The following FSHR variants were observed in gnomAD, a reference collection of about 807,000 sequenced individuals.
FSHR encodes follicle stimulating hormone receptor, also known as follicle-stimulating hormone receptor.
In FSHR, 46 loss-of-function variants were observed where a neutral mutation model predicts 52.1. That is an observed-to-expected ratio of 0.88 (90% CI 0.70 to 1.13). The LOEUF (loss-of-function observed/expected upper bound fraction) is 1.13, where lower values mean the gene tolerates loss of function less well. FSHR is among the 50% of genes most tolerant of loss of function. The pLI, the probability that FSHR is intolerant of heterozygous loss-of-function variation, is 0.00. For missense variants in FSHR, 964 were observed against 834.6 expected (o/e 1.16, Z -1.91); for synonymous variants, 399 against 309.6 (o/e 1.29, Z -3.03).
chr2:49,090,619 A>T (rs965312037), intron 1 of FSHR, among the ~76,000 whole-genome samples: 15 of 152,316 alleles, frequency 9.8e-5, no homozygotes, highest in African/African-American at 3.4e-4. Flanking sequence ...TTCATTTTTC[A>T]TGATAAATAT....
chr2:48,968,579 G>C (rs751028941), intron 9 of FSHR, 119 bp downstream of exon 9: 350 of 1,196,188 alleles, frequency 2.9e-4, no homozygotes, highest in Non-Finnish European at 3.5e-4. Context: ...ATGTGCCAAA[G>C]GGCTTGAGAC....
intron 1 of FSHR, among the ~76,000 whole-genome samples, chr2:49,112,228 G>T (rs1225765540): frequency 6.6e-6 from 1 of 152,100 alleles, no homozygotes; most frequent in African/African-American, 2.4e-5. Flanking sequence ...GTGCTTCAGG[G>T]TAATGTATAT....
At chr2:49,003,575 A>G (rs1177899758) in intron 4 of FSHR, among the ~76,000 whole-genome samples, 3 of 152,144 alleles carry the variant, frequency 2.0e-5, no homozygotes, top group Non-Finnish European at 4.4e-5. Context: ...TCGCCTAAGA[A>G]TACACGTTAT....
chr2:48,970,077 C>G (rs1295729817), intron 8 of FSHR, among the ~76,000 whole-genome samples: 1 of 152,184 alleles, frequency 6.6e-6, no homozygotes, highest in Non-Finnish European at 1.5e-5. Flanking sequence ...AAGCAGTAGG[C>G]ACTCAGAGTA....
At chr2:49,096,537 T>G (rs565922639) in intron 1 of FSHR, among the ~76,000 whole-genome samples, 1 of 152,326 alleles carries the variant, frequency 6.6e-6, no homozygotes, top group African/African-American at 2.4e-5. Flanking sequence ...ATAATAGAGA[T>G]GGTTGCAAAA....
chr2:49,004,135 C>T (rs1667000869), intron 4 of FSHR, among the ~76,000 whole-genome samples: 1 of 152,182 alleles, frequency 6.6e-6, no homozygotes, highest in African/African-American at 2.4e-5. Flanking sequence ...TTTCTCCTTC[C>T]CAGGCCAGCT....
chr2:48,982,579 A>G (rs893790715), intron 8 of FSHR, among the ~76,000 whole-genome samples: 11 of 152,182 alleles, frequency 7.2e-5, no homozygotes, highest in African/African-American at 2.7e-4. Context: ...TCTCCAGGGA[A>G]GCCAGTTTTT....
intron 2 of FSHR, among the ~76,000 whole-genome samples, chr2:49,033,420 C>A (rs1483356091): frequency 6.6e-6 from 1 of 152,132 alleles, no homozygotes; most frequent in Non-Finnish European, 1.5e-5. Flanking sequence ...TTTCTTCTAG[C>A]ACCTAAATGC....
In FSHR at chr2:48,968,680, C is replaced by G. The variant is rs576971716; in HGVS notation, c.854+18G>C. 32 of 1,613,752 alleles carry G rather than the reference C, an allele frequency of 2.0e-5. 1 individual carries two copies. The South Asian group carries it at 3.3e-4, about 17-fold the overall frequency. On this transcript the variant is annotated intron_variant, in intron 9 of 9. Transcript: ENST00000406846. Reference sequence around the variant, plus strand: ...ACATTGGGGAAATGCCTGAGCAGGGCTTAAAGGATGGACTCACATTTGCCG... The same window carrying G: ...ACATTGGGGAAATGCCTGAGCAGGGGTTAAAGGATGGACTCACATTTGCCG...
chr2:48,968,016 G>T (rs1468627449), intron 9 of FSHR, among the ~76,000 whole-genome samples: 1 of 152,188 alleles, frequency 6.6e-6, no homozygotes, highest in Non-Finnish European at 1.5e-5. Flanking sequence ...TCTGGAACAT[G>T]TGTACAATCT....
At chr2:49,088,188 G>A (rs1338138397) in intron 1 of FSHR, among the ~76,000 whole-genome samples, 1 of 152,204 alleles carries the variant, frequency 6.6e-6, no homozygotes, top group Non-Finnish European at 1.5e-5. Flanking sequence ...GCGTGTGTAT[G>A]TGGTGCAGAG....
intron 1 of FSHR, among the ~76,000 whole-genome samples, chr2:49,121,188 G>A (rs1014812334): frequency 2.6e-5 from 4 of 152,210 alleles, no homozygotes; most frequent in Non-Finnish European, 5.9e-5. Flanking sequence ...AGACACTGCT[G>A]AGTGATTTCC....
In FSHR at chr2:49,038,332, T is replaced by C. The variant is rs571233027; in HGVS notation, c.225-18172A>G. On this transcript the variant is annotated intron_variant, in intron 2 of 9. Transcript: ENST00000406846. ...ATACTTACACAGTTAAAAATAATAC[T>C]AGTTTTTGGCTGTGCGCAGTGGCTC... 1.1e-4 allele frequency among the ~76,000 whole-genome samples: 16 copies of C among 152,236 alleles called. No individual in the cohort carries two copies. In the South Asian group the frequency reaches 3.1e-3, roughly 30 times the overall value.
chr2:49,059,456 G>C (rs1669202172), intron 2 of FSHR: 1 of 151,874 alleles, frequency 6.6e-6, no homozygotes, highest in Non-Finnish European at 1.5e-5. Context: ...ACAGAATAGA[G>C]AATCCGTAAA....
chr2:48,963,046 G>T lies in FSHR; in HGVS notation c.1775C>A (p.Ala592Asp). 6.2e-7 allele frequency: 1 copy of T among 1,614,038 alleles called. No individual in the cohort carries two copies. The highest frequency in any genetic ancestry group is 8.5e-7 in the Non-Finnish European group (1 of 1,179,966). The change falls in exon 10 of 10, where the codon GCC (alanine) becomes GAC (aspartate). Residue 592 changes from alanine to aspartate, a missense_variant. Ala to Asp is a moderately radical substitution (Grantham distance 126, BLOSUM62 -2). Coordinates refer to ENST00000406846, the MANE Select transcript of FSHR (RefSeq NM_000145.4). ...FLCMAPISFF[A>D]ISASLKVPLI... ...GGGCACCTTGAGGGAGGCAGAAATGGCAAAGAAAGAAATGGGTGCCATGCA... is the reference window on the plus strand; with the variant it reads ...GGGCACCTTGAGGGAGGCAGAAATGTCAAAGAAAGAAATGGGTGCCATGCA...
chr2:49,099,422 A>C (rs1364760109), intron 1 of FSHR, among the ~76,000 whole-genome samples: 2 of 152,118 alleles, frequency 1.3e-5, no homozygotes, highest in African/African-American at 4.8e-5. Flanking sequence ...CTGTAAGTCC[A>C]TTAAACCTCT....
intron 2 of FSHR, among the ~76,000 whole-genome samples, chr2:49,067,073 A>T (rs541958204): frequency 6.6e-6 from 1 of 152,228 alleles, no homozygotes; most frequent in Admixed American, 6.6e-5. Context: ...CTCCTGCAAC[A>T]TGGAGATAGA....
chr2:49,105,029 A>G (rs1671174199), intron 1 of FSHR, among the ~76,000 whole-genome samples: 1 of 152,160 alleles, frequency 6.6e-6, no homozygotes, highest in Admixed American at 6.5e-5. Flanking sequence ...AAATCCGTAG[A>G]TATCAAAACT....
intron 1 of FSHR, among the ~76,000 whole-genome samples, chr2:49,097,907 A>T (rs11903279): frequency 0.082 from 12,437 of 152,118 alleles, 1,694 homozygotes; most frequent in African/African-American, 0.28. Context: ...ATTTGCACAC[A>T]TGGATTTTTA....
Sources: gnomAD v4.1 joint callset for allele counts (sites outside exome capture counted in the v4.1 genomes callset) on GRCh38, gnomAD v4.1.1 for gene constraint, MANE v1.5 for transcripts, NCBI Gene and HGNC (gene_info 2026-07-23, HGNC 2026-07-21) for gene names.